The following DAB2IP variants were observed in gnomAD, a reference collection of about 807,000 sequenced individuals.
DAB2IP encodes the protein DAB2 interacting protein.
DAB2IP carries 28 observed loss-of-function variants against 107.2 expected under a neutral mutation model. The observed-to-expected ratio is 0.26, with a 90% CI of 0.19 to 0.36. The LOEUF (loss-of-function observed/expected upper bound fraction) is 0.36, where lower values mean the gene tolerates loss of function less well. DAB2IP is among the 10% of genes least tolerant of loss of function. The pLI is 1.00. For missense variants in DAB2IP, 1,400 were observed against 1,644.7 expected, an observed-to-expected ratio of 0.85 and a Z score of 2.57; for synonymous variants, 755 against 706.4, an observed-to-expected ratio of 1.07 and a Z score of -1.09.
chr9:121,582,119 C>G (rs568417078), intron 1 of DAB2IP, among the ~76,000 whole-genome samples: 1 of 152,128 alleles, frequency 6.6e-6, no homozygotes, highest in Non-Finnish European at 1.5e-5. Context: ...TGTCAGAGCC[C>G]GGATTCAGAT....
intron 3 of DAB2IP, among the ~76,000 whole-genome samples, chr9:121,711,104 G>A (rs575466033): frequency 6.6e-6 from 1 of 152,322 alleles, no homozygotes; most frequent in East Asian, 1.9e-4. Context: ...CTTAGAGTCT[G>A]TACAAGCCAG....
intron 1 of DAB2IP, among the ~76,000 whole-genome samples, chr9:121,652,977 A>C (rs956905931): frequency 3.9e-5 from 6 of 152,114 alleles, no homozygotes; most frequent in Non-Finnish European, 7.4e-5. Flanking sequence ...CTCAGGAAGT[A>C]GTGAGTTCCC....
intron 2 of DAB2IP, among the ~76,000 whole-genome samples, chr9:121,683,085 G>A (rs1444895388): frequency 6.6e-6 from 1 of 152,174 alleles, no homozygotes; most frequent in Admixed American, 6.5e-5. Context: ...CTCCTGGAAG[G>A]GAAGGAGGGA....
At chr9:121,666,902 ACACACACACACAC>A (rs1365359102) in intron 1 of DAB2IP, among the ~76,000 whole-genome samples, 1 of 124,250 alleles carries the variant, frequency 8.0e-6, no homozygotes, top group Non-Finnish European at 1.9e-5. Flanking sequence ...ACACACACAC[ACACACACACACAC>A]AACACTCTTA....
upstream of DAB2IP, among the ~76,000 whole-genome samples, chr9:121,648,260 T>C (rs1832609297): frequency 6.6e-6 from 1 of 151,954 alleles, no homozygotes. Flanking sequence ...CCTATGGAAA[T>C]AAAAAATTTA....
intron 1 of DAB2IP, among the ~76,000 whole-genome samples, chr9:121,666,915 C>CAA (rs373726250): frequency 1.1e-4 from 15 of 131,784 alleles, no homozygotes; most frequent in Non-Finnish European, 2.1e-4. Flanking sequence ...CACACACACA[C>CAA]AACACTCTTA....
chr9:121,570,532 C>T (rs1829913960), intron 1 of DAB2IP, among the ~76,000 whole-genome samples: 2 of 151,936 alleles, frequency 1.3e-5, no homozygotes, highest in African/African-American at 4.8e-5. Context: ...GGGAGGGATA[C>T]ACATGTTCAG....
chr9:121,702,457 C>T lies in DAB2IP; in HGVS notation c.362+2999C>T, dbSNP rs185060266. On this transcript the variant is annotated intron_variant, in intron 3 of 15. Transcript: ENST00000408936. The surrounding 1 kb of genome is among the most constrained non-coding windows in gnomAD (Gnocchi z 4.5). ...TTCGGACTTATTCTTCTGAAACGGC[C>T]TCAGGGGAGGTTGCCAGCTGGTCTC... 2.6e-5 allele frequency among the ~76,000 whole-genome samples: 4 copies of T among 152,260 alleles called. No individual in the cohort carries two copies. The East Asian group carries it at 7.7e-4, about 29-fold the overall frequency.
At position 121,651,610 on chromosome 9, in the gene DAB2IP, A is replaced by T. The variant is rs778124959; in HGVS notation, c.-166A>T. 5.0e-6 allele frequency: 5 copies of T among 1,003,046 alleles called. No individual in the cohort carries two copies. In the African/African-American group the frequency reaches 6.9e-5, roughly 14 times the overall value. 62.1% of individuals were successfully genotyped at this position (1,003,046 alleles called of 1,614,324 possible). A position where few individuals can be genotyped will look rare whatever the true frequency, so the allele number is the denominator to read the frequency against. On this transcript the variant is annotated 5_prime_UTR_variant, in exon 1 of 16. Transcript: ENST00000408936. The surrounding 1 kb of genome is among the most constrained non-coding windows in gnomAD (Gnocchi z 5.1). ...GGCTGCTCGGGGAGCGGGAGGGGGC[A>T]GGAGGCGGAGGAGGAGTTTGAGCGA...
At chr9:121,604,493 G>A (rs889688524) in intron 1 of DAB2IP, among the ~76,000 whole-genome samples, 9 of 152,202 alleles carry the variant, frequency 5.9e-5, no homozygotes, top group African/African-American at 2.2e-4. Flanking sequence ...ACGGCCCCAT[G>A]TCTGGCTCCA....
intron 3 of DAB2IP, among the ~76,000 whole-genome samples, chr9:121,708,263 C>T (rs1265257111): frequency 1.3e-5 from 2 of 152,184 alleles, no homozygotes; most frequent in Admixed American, 6.5e-5. Flanking sequence ...GTGTGAGTGG[C>T]CCAAAGTCAC....
intron 2 of DAB2IP, 57 bp downstream of exon 2, chr9:121,678,838 G>C: frequency 1.4e-6 from 2 of 1,469,920 alleles, no homozygotes; most frequent in Non-Finnish European, 1.8e-6. Flanking sequence ...CACCTCGCCC[G>C]GGGTGCTGCT....
At chr9:121,621,146 C>A (rs1831448172) in intron 1 of DAB2IP, among the ~76,000 whole-genome samples, 1 of 152,158 alleles carries the variant, frequency 6.6e-6, no homozygotes, top group African/African-American at 2.4e-5. Flanking sequence ...CTCCTGCACC[C>A]CATCCCTGCC....
chr9:121,715,738 C>G (rs1216946003), intron 3 of DAB2IP, among the ~76,000 whole-genome samples: 1 of 152,214 alleles, frequency 6.6e-6, no homozygotes, highest in Non-Finnish European at 1.5e-5. Flanking sequence ...ACACACTTCT[C>G]TCCCCATGAA....
chr9:121,768,777 T>C, intron 10 of DAB2IP, 144 bp downstream of exon 10: 1 of 1,017,492 alleles, frequency 9.8e-7, no homozygotes, highest in Admixed American at 2.4e-5. Context: ...ACTGGGGATC[T>C]GTGGGCCCCA....
At chr9:121,716,317 G>A (rs1230601619) in intron 3 of DAB2IP, among the ~76,000 whole-genome samples, 1 of 152,238 alleles carries the variant, frequency 6.6e-6, no homozygotes, top group Admixed American at 6.5e-5. Context: ...GCAGAGCCTG[G>A]TGCTCAGCTG....
chr9:121,674,028 T>C (rs1833787902), intron 1 of DAB2IP, among the ~76,000 whole-genome samples: 1 of 152,170 alleles, frequency 6.6e-6, no homozygotes. Context: ...TGGGCAGGCC[T>C]CGGGAACCAC....
chr9:121,616,041 G>A (rs1185096041), intron 1 of DAB2IP, among the ~76,000 whole-genome samples: 1 of 152,114 alleles, frequency 6.6e-6, no homozygotes, highest in African/African-American at 2.4e-5. Context: ...GGACCCTGTT[G>A]TGTCCCTGCC....
intron 3 of DAB2IP, among the ~76,000 whole-genome samples, chr9:121,722,290 G>A (rs1246716491): frequency 6.6e-6 from 1 of 152,194 alleles, no homozygotes; most frequent in African/African-American, 2.4e-5. Flanking sequence ...CCCTTGGAAA[G>A]GGGCTCTTCC....
Sources: allele counts gnomAD v4.1 joint callset (sites outside exome capture counted in the v4.1 genomes callset), GRCh38; gene constraint gnomAD v4.1.1; non-coding constraint Gnocchi (gnomAD v3.1); transcripts MANE v1.5; gene names NCBI Gene and HGNC (gene_info 2026-07-23, HGNC 2026-07-21).